CEP135: variants seen among roughly 807,000 people sequenced by gnomAD.
CEP135 encodes centrosomal protein 135.
Under a neutral mutation model 157.3 loss-of-function variants are expected in CEP135, and 142 were observed. The ratio of observed to expected loss-of-function variants is 0.90; its 90% CI spans 0.79 to 1.04. The LOEUF is 1.04. CEP135 is among the 50% of genes least tolerant of loss of function. CEP135 has a pLI of 0.00. For synonymous variants in CEP135, 396 were observed against 439.8 expected (o/e 0.90, Z 1.25); for missense variants, 1,317 against 1,309.2 (o/e 1.01, Z -0.09).
chr4:55,951,974 C>T (rs1414802450), intron 1 of CEP135, 112 bp from the exon 2 acceptor site: 1 of 474,612 alleles, frequency 2.1e-6, no homozygotes, highest in Non-Finnish European at 3.9e-6. Context: ...AGGCTACCTA[C>T]CTGAAGAAAA....
At chr4:56,027,165 A>G (rs905197267) in intron 25 of CEP135, among the ~76,000 whole-genome samples, 1 of 152,028 alleles carries the variant, frequency 6.6e-6, no homozygotes, top group Non-Finnish European at 1.5e-5. Flanking sequence ...TTGCTGTGTT[A>G]TTTTCATGTG....
At position 56,003,281 on chromosome 4, in the gene CEP135, G is replaced by A. The variant is rs980804976; in HGVS notation, c.2280+3636G>A. On this transcript the variant is annotated intron_variant, in intron 17 of 25. Coordinates refer to ENST00000257287, the MANE Select transcript of CEP135 (RefSeq NM_025009.5). ...TGGCTCACTGCAAGCTCCGCCTCCC[G>A]GGTTCATGCCGCCTCCCGGGTTCAC... is the stretch of plus-strand genomic sequence containing the variant. Among the ~76,000 whole-genome samples, 5 of 151,784 alleles carry A rather than the reference G, an allele frequency of 3.3e-5. 1 individual carries two copies. The highest frequency in any genetic ancestry group is 4.2e-4 in the South Asian group (2 of 4,808).
chr4:55,954,444 C>A, intron 4 of CEP135, 61 bp downstream of exon 4: 1 of 1,406,780 alleles, frequency 7.1e-7, no homozygotes, highest in Non-Finnish European at 9.5e-7. Context: ...ATATTAACAC[C>A]ATTGACTAAA....
chr4:55,973,661 C>T (rs1729098388), intron 10 of CEP135, among the ~76,000 whole-genome samples: 1 of 152,146 alleles, frequency 6.6e-6, no homozygotes, highest in Non-Finnish European at 1.5e-5. Context: ...CACATGCTTA[C>T]TCTCACCCAT....
chr4:55,956,273 A>G (rs574689820), intron 4 of CEP135, among the ~76,000 whole-genome samples: 1 of 152,320 alleles, frequency 6.6e-6, no homozygotes, highest in African/African-American at 2.4e-5. Flanking sequence ...TTTGTTCTTC[A>G]CAAGGATCTG....
intron 22 of CEP135, among the ~76,000 whole-genome samples, chr4:56,019,133 T>A (rs1277491245): frequency 3.3e-5 from 5 of 152,224 alleles, no homozygotes; most frequent in African/African-American, 9.6e-5. Flanking sequence ...TTTGAGTAGA[T>A]CCTATAGCCA....
At chr4:55,963,964 T>C (rs897189107) in intron 6 of CEP135, among the ~76,000 whole-genome samples, 1 of 152,204 alleles carries the variant, frequency 6.6e-6, no homozygotes, top group Non-Finnish European at 1.5e-5. Flanking sequence ...TGTAATCTGC[T>C]AGCAAGTTTC....
chr4:55,972,670 C>A (rs1484882619), intron 10 of CEP135, among the ~76,000 whole-genome samples: 2 of 152,214 alleles, frequency 1.3e-5, no homozygotes, highest in Non-Finnish European at 2.9e-5. Context: ...AATGATGACA[C>A]CTACCCTGAA....
At chr4:55,957,466 C>T (rs1728544911) in intron 5 of CEP135, 102 bp downstream of exon 5, 1 of 1,036,526 alleles carries the variant, frequency 9.6e-7, no homozygotes, top group African/African-American at 1.6e-5. Context: ...GTTGTGTCTC[C>T]AGTGTCTAGC....
At chr4:55,968,992 TG>T (rs1229509732) in intron 8 of CEP135, 70 bp from the exon 9 acceptor site, 2 of 1,144,450 alleles carry the variant, frequency 1.7e-6, no homozygotes, top group Admixed American at 2.4e-5. Flanking sequence ...CAAAATTACT[TG>T]ATCTATTTGC....
At chr4:55,988,909 C>T (rs1346778440) in intron 14 of CEP135, among the ~76,000 whole-genome samples, 19 of 142,082 alleles carry the variant, frequency 1.3e-4, no homozygotes, top group Admixed American at 1.0e-3. Flanking sequence ...TGCAGTGAGC[C>T]GAGCCGAGAT....
chr4:55,965,084 A>G (rs1027390172), intron 7 of CEP135: 5 of 152,602 alleles, frequency 3.3e-5, no homozygotes, highest in African/African-American at 1.2e-4. Flanking sequence ...GATATGAGCC[A>G]TATATGTAAT....
intron 6 of CEP135, among the ~76,000 whole-genome samples, chr4:55,961,764 T>TAAAAAAAAAAAAAAAAAAAAAA (rs564116620): frequency 1.8e-5 from 1 of 54,186 alleles, no homozygotes; most frequent in African/African-American, 7.8e-5. Flanking sequence ...AAACTCTGTC[T>TAAAAAAAAAAAAAAAAAAAAAA]AAAAAAAAAA....
chr4:56,001,615 G>A lies in CEP135; in HGVS notation c.2280+1970G>A, dbSNP rs569443713. Among the ~76,000 whole-genome samples, 4 of 152,190 alleles carry A rather than the reference G, an allele frequency of 2.6e-5. 1 individual carries two copies. Among genetic ancestry groups the A allele is most frequent in the African/African-American group, 9.6e-5 (4 of 41,542 alleles). ...CCCCTATTATGTTCTGTTGGTCTGT[G>A]TGTCTTGTTTTTACACCAATACCAT... On this transcript the variant is annotated intron_variant, in intron 17 of 25. Coordinates refer to ENST00000257287, the MANE Select transcript of CEP135 (RefSeq NM_025009.5).
chr4:55,966,010 A>AATTAC, intron 8 of CEP135, 151 bp downstream of exon 8: 8 of 635,596 alleles, frequency 1.3e-5, no homozygotes, highest in Non-Finnish European at 1.4e-5. Flanking sequence ...GGGTTTTCTG[A>AATTAC]AGTGTTGTTT....
chr4:56,019,918 G>A (rs962235204), intron 23 of CEP135, among the ~76,000 whole-genome samples: 3 of 152,168 alleles, frequency 2.0e-5, no homozygotes, highest in Admixed American at 6.5e-5. Context: ...CATCCTGGGC[G>A]ACAGAGCGAG....
chr4:56,010,435 T>C (rs1316022939), intron 19 of CEP135, among the ~76,000 whole-genome samples: 1 of 149,612 alleles, frequency 6.7e-6, no homozygotes, highest in African/African-American at 2.5e-5. Context: ...AATGCTGCTA[T>C]ATATCACAGG....
intron 6 of CEP135, among the ~76,000 whole-genome samples, chr4:55,963,251 CCT>C (rs934830733): frequency 6.6e-6 from 1 of 152,108 alleles, no homozygotes; most frequent in African/African-American, 2.4e-5. Flanking sequence ...CCTGCCCCTG[CCT>C]CTGTTTTTAT....
At chr4:56,030,217 G>A (rs1210069626) in intron 25 of CEP135, among the ~76,000 whole-genome samples, 2 of 151,966 alleles carry the variant, frequency 1.3e-5, no homozygotes, top group South Asian at 2.1e-4. Context: ...GCCTTCTTCC[G>A]GAATACTTCC....
Sources: gnomAD v4.1 joint callset for allele counts (sites outside exome capture counted in the v4.1 genomes callset) on GRCh38, gnomAD v4.1.1 for gene constraint, MANE v1.5 for transcripts, NCBI Gene and HGNC (gene_info 2026-07-23, HGNC 2026-07-21) for gene names.